The following PTPRT variants were observed in gnomAD, a reference collection of about 807,000 sequenced individuals.
The protein encoded by PTPRT is receptor-type tyrosine-protein phosphatase T.
A neutral mutation model predicts 176.8 loss-of-function variants in PTPRT; 56 were observed. The observed-to-expected ratio is 0.32, with a 90% confidence interval of 0.26 to 0.40. The LOEUF is 0.40. Among genes scored for constraint, PTPRT ranks in the 10% least tolerant of loss-of-function variants. PTPRT has a pLI of 1.00. For missense variants in PTPRT, 1,540 were observed against 1,908.2 expected, an observed-to-expected ratio of 0.81 and a Z score of 3.60; for synonymous variants, 783 against 739.0, an observed-to-expected ratio of 1.06 and a Z score of -0.96.
chr20:42,258,436 G>A (rs2056687987), intron 13 of PTPRT, among the ~76,000 whole-genome samples: 2 of 152,126 alleles, frequency 1.3e-5, no homozygotes, highest in Admixed American at 1.3e-4. Context: ...CCTTTCATAT[G>A]TTGCAGTTAG....
intron 1 of PTPRT, among the ~76,000 whole-genome samples, chr20:43,158,011 G>C (rs2014572427): frequency 1.4e-5 from 2 of 145,280 alleles, no homozygotes; most frequent in African/African-American, 5.1e-5. Flanking sequence ...CTTTCTGGCT[G>C]CCATCTTGAG....
intron 7 of PTPRT, among the ~76,000 whole-genome samples, chr20:42,529,029 C>T (rs1340294404): frequency 1.3e-5 from 2 of 152,112 alleles, no homozygotes; most frequent in Non-Finnish European, 2.9e-5. Context: ...ATGCTTCCTG[C>T]GAGAACTAGC....
At chr20:43,140,902 C>T (rs2013983585) in intron 1 of PTPRT, among the ~76,000 whole-genome samples, 1 of 152,178 alleles carries the variant, frequency 6.6e-6, no homozygotes, top group Non-Finnish European at 1.5e-5. Context: ...CTTCTTGGAT[C>T]ATGAATTCTC....
intron 1 of PTPRT, among the ~76,000 whole-genome samples, chr20:43,128,422 A>C (rs901734349): frequency 3.3e-5 from 5 of 152,240 alleles, no homozygotes; most frequent in Non-Finnish European, 7.3e-5. Context: ...GAAAGGTTCA[A>C]GTCCCTACGA....
At chr20:42,840,268 T>C (rs534103906) in intron 2 of PTPRT, among the ~76,000 whole-genome samples, 1 of 152,342 alleles carries the variant, frequency 6.6e-6, no homozygotes, top group African/African-American at 2.4e-5. Flanking sequence ...GGTCACCTTC[T>C]TGCAAAGATA....
In PTPRT at chr20:42,793,913, CAA is replaced by C. The variant is rs562397611; in HGVS notation, c.215-2449_215-2448del. Among the ~76,000 whole-genome samples, 156 of 152,274 alleles carry C rather than the reference CAA, an allele frequency of 1.0e-3. 1 individual carries two copies. Among genetic ancestry groups the C allele is most frequent in the African/African-American group, 3.6e-3 (148 of 41,556 alleles). On this transcript the variant is annotated intron_variant, in intron 2 of 30. Transcript: ENST00000373187. ...CCAGCAGAGGCAGCAGCCTGAGAAG[CAA>C]AGTGTCTCTCTCCTCTCTGAATCCC...
At chr20:42,945,534 C>A (rs1172696669) in intron 1 of PTPRT, among the ~76,000 whole-genome samples, 1 of 152,192 alleles carries the variant, frequency 6.6e-6, no homozygotes, top group Non-Finnish European at 1.5e-5. Context: ...AGCGGATGCT[C>A]CCTGCTTCCA....
chr20:43,138,135 G>C (rs1279662595), intron 1 of PTPRT, among the ~76,000 whole-genome samples: 1 of 152,232 alleles, frequency 6.6e-6, no homozygotes, highest in Non-Finnish European at 1.5e-5. Flanking sequence ...AGTGAGTGCT[G>C]AGTGGGCACT....
In PTPRT at chr20:42,960,981, T is replaced by C. The variant is rs1163411372; in HGVS notation, c.89-75049A>G. 2.0e-5 allele frequency among the ~76,000 whole-genome samples: 3 copies of C among 152,216 alleles called. No individual in the cohort carries two copies. The East Asian group carries it at 5.8e-4, about 29-fold the overall frequency. ...GAAAATGTATATTTTTCTAAGATGATTTATTGTATGAAACGCCATTAAATT... is the reference window on the plus strand; with the variant it reads ...GAAAATGTATATTTTTCTAAGATGACTTATTGTATGAAACGCCATTAAATT... On this transcript the variant is annotated intron_variant, in intron 1 of 30. Transcript: ENST00000373187.
intron 1 of PTPRT, among the ~76,000 whole-genome samples, chr20:43,064,046 G>C (rs77670178): frequency 1.0e-3 from 156 of 151,696 alleles, no homozygotes; most frequent in Non-Finnish European, 1.8e-3. Context: ...AAAAAAAAAA[G>C]TTCCCTTCTA....
rs1466481237 is a variant in PTPRT at position 42,078,506 on chromosome 20, G to C, written c.*2373C>G. 1 of 203,542 alleles carries C rather than the reference G, an allele frequency of 4.9e-6. No individual in the cohort carries two copies. The highest frequency in any genetic ancestry group is 2.3e-5 in the African/African-American group (1 of 43,566). The allele number at this position is 203,542 out of a possible 1,614,324, so 12.6% of individuals were successfully genotyped here. On this transcript the variant is annotated 3_prime_UTR_variant, in exon 31 of 31. Coordinates refer to ENST00000373187, the MANE Select transcript of PTPRT (RefSeq NM_007050.6). The stretch of plus-strand genomic sequence containing the variant: ...TGATATTAAAAAGTGCACGCTTAAG[G>C]GAATGTTTTCACAGTGTCTGATGAA...
intron 2 of PTPRT, among the ~76,000 whole-genome samples, chr20:42,815,653 A>G (rs1420925592): frequency 6.6e-6 from 1 of 152,186 alleles, no homozygotes; most frequent in Non-Finnish European, 1.5e-5. Context: ...ATGATCACTG[A>G]TATTTGTCTT....
At chr20:42,049,306 C>T in the PTPRT span, among the ~76,000 whole-genome samples, 8 of 152,344 alleles carry the variant, frequency 5.3e-5, no homozygotes, top group South Asian at 1.2e-3. Flanking sequence ...TGGTTTCTTA[C>T]TCTTCCAGAA....
At chr20:42,480,919 A>C (rs1334148737) in intron 7 of PTPRT, among the ~76,000 whole-genome samples, 1 of 152,204 alleles carries the variant, frequency 6.6e-6, no homozygotes, top group Non-Finnish European at 1.5e-5. Context: ...AAACAGCTCA[A>C]ACAATCTATT....
intron 13 of PTPRT, among the ~76,000 whole-genome samples, chr20:42,260,440 G>T (rs969689826): frequency 4.6e-5 from 7 of 152,356 alleles, no homozygotes; most frequent in Admixed American, 4.6e-4. Flanking sequence ...TGGGGATTAA[G>T]GGTTTAGTCT....
chr20:43,127,046 G>T (rs1338312232), intron 1 of PTPRT, among the ~76,000 whole-genome samples: 1 of 152,160 alleles, frequency 6.6e-6, no homozygotes, highest in Non-Finnish European at 1.5e-5. Context: ...TGAAATATTT[G>T]TGGGGTAGAT....
chr20:42,246,543 C>T (rs1194385706), intron 14 of PTPRT, among the ~76,000 whole-genome samples: 1 of 152,108 alleles, frequency 6.6e-6, no homozygotes, highest in Admixed American at 6.5e-5. Context: ...GAGGTTAAAA[C>T]TACCACAAAG....
At chr20:42,308,921 T>C (rs2145344115) in intron 12 of PTPRT, among the ~76,000 whole-genome samples, 1 of 152,346 alleles carries the variant, frequency 6.6e-6, no homozygotes, top group Middle Eastern at 3.4e-3. Flanking sequence ...GTGATTATAC[T>C]GCAAGCATCA....
chr20:42,240,175 T>G lies in PTPRT; in HGVS notation c.2313-3917A>C, dbSNP rs1020226874. ...CTGGGTGTCACCAAAAGCCTTCTCG[T>G]GCTATCTCTGACCCAGCAGCAAGGC... On this transcript the variant is annotated intron_variant, in intron 14 of 30. Coordinates refer to ENST00000373187, the MANE Select transcript of PTPRT (RefSeq NM_007050.6). Among the ~76,000 whole-genome samples the G allele has an allele frequency of 2.6e-5, 4 of 152,232 alleles. No homozygotes were observed. The East Asian group carries it at 7.7e-4, about 29-fold the overall frequency.
Sources: gnomAD v4.1 joint callset for allele counts (sites outside exome capture counted in the v4.1 genomes callset) on GRCh38, gnomAD v4.1.1 for gene constraint, MANE v1.5 for transcripts, NCBI Gene and HGNC (gene_info 2026-07-23, HGNC 2026-07-21) for gene names.